The following EIF2A variants were observed in gnomAD, a reference collection of about 807,000 sequenced individuals.
EIF2A encodes 65 kDa eukaryotic translation initiation factor 2A.
A neutral mutation model predicts 75.2 loss-of-function variants in EIF2A; 62 were observed. The observed-to-expected ratio is 0.82, with a 90% confidence interval of 0.67 to 1.02. The LOEUF is 1.02. EIF2A is among the 50% of genes least tolerant of loss of function. The probability of loss-of-function intolerance (pLI) is 0.00; values close to 1 mark genes in which losing one functional copy is unlikely to be tolerated. For synonymous variants in EIF2A, 207 were observed against 239.0 expected, an observed-to-expected ratio of 0.87 and a Z score of 1.23; for missense variants, 611 against 677.7, an observed-to-expected ratio of 0.90 and a Z score of 1.09.
chr3:150,552,809 T>C (rs1445859080), intron 2 of EIF2A: 1 of 163,118 alleles, frequency 6.1e-6, no homozygotes, highest in Admixed American at 6.2e-5. Flanking sequence ...AGGGAGGACA[T>C]ATATATGCAC....
intron 1 of EIF2A, chr3:150,547,041 C>T: frequency 1.7e-6 from 1 of 602,608 alleles, no homozygotes; most frequent in South Asian, 2.1e-5. Flanking sequence ...TCCCTTTCAC[C>T]CATCCATCAT....
intron 11 of EIF2A, among the ~76,000 whole-genome samples, chr3:150,576,262 A>AC (rs1196591667): frequency 1.3e-5 from 2 of 151,722 alleles, no homozygotes; most frequent in African/African-American, 2.4e-5. Flanking sequence ...ACATAGTGAG[A>AC]CCCCCATCTC....
intron 1 of EIF2A, chr3:150,547,046 C>T (rs567294345): frequency 6.7e-6 from 4 of 596,084 alleles, no homozygotes; most frequent in Non-Finnish European, 1.2e-5. Context: ...TTCACCCATC[C>T]ATCATTCTTG....
chr3:150,564,564 T>C, intron 6 of EIF2A, 183 bp downstream of exon 6: 1 of 424,860 alleles, frequency 2.4e-6, no homozygotes, highest in South Asian at 8.6e-5. Context: ...ACACAAAGGT[T>C]TTCTTTTACA....
intron 12 of EIF2A, among the ~76,000 whole-genome samples, chr3:150,582,270 G>C (rs1407995228): frequency 6.6e-6 from 1 of 151,726 alleles, no homozygotes; most frequent in Non-Finnish European, 1.5e-5. Context: ...CAAAATGCTG[G>C]GATTTGTGAG....
At chr3:150,577,696 C>T (rs1724952218) in intron 11 of EIF2A, among the ~76,000 whole-genome samples, 1 of 151,466 alleles carries the variant, frequency 6.6e-6, no homozygotes, top group Non-Finnish European at 1.5e-5. Flanking sequence ...GCTTGGATTA[C>T]AGGCGTGAGC....
At chr3:150,566,795 A>T (rs976237011) in intron 6 of EIF2A, 2 of 152,204 alleles carry the variant, frequency 1.3e-5, no homozygotes, top group South Asian at 2.1e-4. Context: ...ATAATTTTTT[A>T]AAAAGGGTTT....
In EIF2A at chr3:150,562,575, A is replaced by G. The variant is rs553130710; in HGVS notation, c.207A>G (p.Leu69=). The part of the protein sequence containing the change: ...VNIISVTNKG[L]LHSFDLLKAV... ...TTATCAGTGTCACTAACAAGGGACTACTGCACTCCTTCGACCTCCTGAAGG... is the reference window on the plus strand; with the variant it reads ...TTATCAGTGTCACTAACAAGGGACTGCTGCACTCCTTCGACCTCCTGAAGG... Residue 69 remains leucine (L), a synonymous_variant, in exon 4 of 14, where the codon CTA becomes CTG. Coordinates refer to ENST00000460851, the MANE Select transcript of EIF2A (RefSeq NM_032025.5). The G allele has an allele frequency of 8.7e-6, 14 of 1,613,562 alleles. No individual in the cohort carries two copies. The African/African-American group carries it at 1.2e-4, about 14-fold the overall frequency.
Position 150,579,521 on chromosome 3 carries a change from C to T in EIF2A, c.1498-2097C>T, listed in dbSNP as rs939589115. On this transcript the variant is annotated intron_variant, in intron 11 of 13. Transcript: ENST00000460851. ...GGTCTGGAGTTCGAGATCAGCCTGT[C>T]TAACATGGTGAAACCCCATCTCTAC... 4.6e-5 allele frequency among the ~76,000 whole-genome samples: 7 copies of T among 152,148 alleles called. No homozygotes were observed. In the East Asian group the frequency reaches 9.7e-4, roughly 21 times the overall value.
intron 13 of EIF2A, 91 bp downstream of exon 13, chr3:150,583,356 A>G (rs1725300824): frequency 1.6e-6 from 2 of 1,258,568 alleles, no homozygotes; most frequent in Non-Finnish European, 1.1e-6. Context: ...AAAAGAGCAC[A>G]TGGAGTTTAA....
At chr3:150,563,005 T>C (rs1416200493) in intron 4 of EIF2A, 1 of 192,786 alleles carries the variant, frequency 5.2e-6, no homozygotes, top group East Asian at 1.4e-4. Context: ...AAATAATTAT[T>C]ATGTGAAAGG....
At chr3:150,578,307 T>TTTA (rs1031077401) in intron 11 of EIF2A, among the ~76,000 whole-genome samples, 3 of 148,440 alleles carry the variant, frequency 2.0e-5, no homozygotes, top group Admixed American at 1.3e-4. Context: ...ATTATAACCA[T>TTTA]TAATTAATAT....
intron 11 of EIF2A, among the ~76,000 whole-genome samples, chr3:150,578,836 C>T (rs1576606916): frequency 1.3e-5 from 2 of 152,136 alleles, no homozygotes; most frequent in Non-Finnish European, 2.9e-5. Context: ...TTAGTCCTGA[C>T]TCTGAAGTAA....
chr3:150,557,698 G>GA (rs1723643073), intron 2 of EIF2A: 3 of 391,338 alleles, frequency 7.7e-6, no homozygotes, highest in African/African-American at 4.4e-5. Context: ...TGCACCATGA[G>GA]AAAGAGATTT....
In EIF2A at chr3:150,572,279, C is replaced by T. The variant is rs1011084720; in HGVS notation, c.1133C>T (p.Ala378Val). Reference protein sequence around the residue: ...DGEHILTATCAPRLRVNNGYK... With the variant: ...DGEHILTATCVPRLRVNNGYK... Reference sequence around the variant, plus strand: ...GAGCATATTTTAACAGCTACATGTGCTCCCAGGTTACGGGTTAATAATGGA... The same window carrying T: ...GAGCATATTTTAACAGCTACATGTGTTCCCAGGTTACGGGTTAATAATGGA... The change falls in exon 10 of 14, where the codon GCT becomes GTT. Residue 378 changes from alanine (A) to valine (V), a missense_variant. Coordinates refer to ENST00000460851, the MANE Select transcript of EIF2A (RefSeq NM_032025.5). 2 of 1,613,914 alleles carry T rather than the reference C, an allele frequency of 1.2e-6. No homozygotes were observed. The highest frequency in any genetic ancestry group is 1.7e-6 in the Non-Finnish European group (2 of 1,179,852).
chr3:150,558,033 A>G (rs540902908), intron 2 of EIF2A, among the ~76,000 whole-genome samples: 2 of 152,354 alleles, frequency 1.3e-5, no homozygotes, highest in Non-Finnish European at 2.9e-5. Context: ...AGTTTTGAAT[A>G]CTTGATAGAA....
chr3:150,549,222 C>CTTT (rs11341363), intron 1 of EIF2A, among the ~76,000 whole-genome samples: 3 of 136,492 alleles, frequency 2.2e-5, no homozygotes, highest in African/African-American at 2.7e-5. Flanking sequence ...TTCTTTCTTT[C>CTTT]TTTTTTTTTT....
At chr3:150,579,676 C>A (rs998211323) in intron 11 of EIF2A, among the ~76,000 whole-genome samples, 1 of 149,696 alleles carries the variant, frequency 6.7e-6, no homozygotes, top group African/African-American at 2.5e-5. Flanking sequence ...AATCGTGCCA[C>A]TGCACTCCAG....
chr3:150,553,416 C>CT (rs1249022435), intron 2 of EIF2A, among the ~76,000 whole-genome samples: 11 of 150,140 alleles, frequency 7.3e-5, no homozygotes, highest in East Asian at 3.9e-4. Flanking sequence ...CTGCAAAATT[C>CT]TTTTTTTTTG....
Sources: gnomAD v4.1 joint callset for allele counts (sites outside exome capture counted in the v4.1 genomes callset) on GRCh38, gnomAD v4.1.1 for gene constraint, MANE v1.5 for transcripts, NCBI Gene and HGNC (gene_info 2026-07-23, HGNC 2026-07-21) for gene names.